The following MAPK8 variants were observed in gnomAD, a reference collection of about 807,000 sequenced individuals.
MAPK8 encodes mitogen-activated protein kinase 8.
MAPK8 carries 13 observed loss-of-function variants against 52.9 expected under a neutral mutation model. The observed-to-expected ratio is 0.25, with a 90% CI of 0.16 to 0.39. The LOEUF (loss-of-function observed/expected upper bound fraction) is 0.39, where lower values mean the gene tolerates loss of function less well. Ranked by LOEUF, MAPK8 falls within the 10% of genes least tolerant of loss-of-function variation. The probability of loss-of-function intolerance (pLI) is 1.00; values close to 1 mark genes in which losing one functional copy is unlikely to be tolerated. For missense variants in MAPK8, 300 were observed against 519.2 expected (o/e 0.58, Z 4.10); for synonymous variants, 191 against 169.8 (o/e 1.12, Z -0.97).
intron 5 of MAPK8, among the ~76,000 whole-genome samples, chr10:48,416,912 G>T (rs1324167778): frequency 6.6e-6 from 1 of 152,154 alleles, no homozygotes; most frequent in East Asian, 1.9e-4. Context: ...CTTGAGGGCT[G>T]CTCACCTTTC....
intron 1 of MAPK8, among the ~76,000 whole-genome samples, chr10:48,311,145 G>A (rs1841948825): frequency 1.3e-5 from 2 of 152,144 alleles, no homozygotes; most frequent in South Asian, 4.1e-4. Flanking sequence ...AAAGTGCCTG[G>A]CACTGTTGTG....
Position 48,401,603 on chromosome 10 carries a change from A to G in MAPK8, c.-49-9A>G, listed in dbSNP as rs934691124. The G allele has an allele frequency of 3.1e-6, 5 of 1,588,826 alleles. No individual in the cohort carries two copies. Among genetic ancestry groups the G allele is most frequent in the African/African-American group, 2.7e-5 (2 of 73,508 alleles). On this transcript the variant is annotated splice_polypyrimidine_tract_variant and intron_variant, in intron 1 of 11. Transcript: ENST00000374189. Reference sequence around the variant, plus strand: ...TTTTGTTAACATCATGTTTTGTTGCATCTTGCAGCTTCTTGGTGAATTTTT... The same window carrying G: ...TTTTGTTAACATCATGTTTTGTTGCGTCTTGCAGCTTCTTGGTGAATTTTT...
At position 48,426,492 on chromosome 10, in the gene MAPK8, T is replaced by A; in HGVS notation, c.984T>A (p.Ser328=). The change falls in exon 9 of 12, where the codon TCT becomes TCA. Residue 328 remains serine, a synonymous_variant. Transcript: ENST00000374189. ...HPYINVWYDP[S]EAEAPPPKIP... ...ACATCAATGTCTGGTATGATCCTTC[T>A]GAAGCAGAAGCTGTAAGTTATTTTC... 1 of 1,610,150 alleles carries A rather than the reference T, an allele frequency of 6.2e-7. No homozygotes were observed. The highest frequency in any genetic ancestry group is 8.5e-7 in the Non-Finnish European group (1 of 1,178,740).
chr10:48,401,909 C>G (rs146510962), intron 2 of MAPK8, 127 bp downstream of exon 2: 5 of 699,816 alleles, frequency 7.1e-6, no homozygotes, highest in Non-Finnish European at 1.1e-5. Flanking sequence ...AAAAATTAAA[C>G]GAAAACTATT....
chr10:48,349,043 A>G (rs778648224), intron 1 of MAPK8, among the ~76,000 whole-genome samples: 1 of 152,186 alleles, frequency 6.6e-6, no homozygotes, highest in Non-Finnish European at 1.5e-5. Flanking sequence ...GGCATTATAT[A>G]ATGGTAAAGG....
At chr10:48,360,734 A>G (rs1847443088) in intron 1 of MAPK8, among the ~76,000 whole-genome samples, 2 of 152,220 alleles carry the variant, frequency 1.3e-5, no homozygotes, top group African/African-American at 2.4e-5. Context: ...TTTCTTTTAT[A>G]TGAAGTTTGG....
At chr10:48,412,853 A>T (rs1271232206) in intron 5 of MAPK8, among the ~76,000 whole-genome samples, 1 of 152,220 alleles carries the variant, frequency 6.6e-6, no homozygotes. Flanking sequence ...CATTAAATAC[A>T]TTCATAATGT....
At chr10:48,377,853 AT>A (rs1162637511) in intron 1 of MAPK8, among the ~76,000 whole-genome samples, 1 of 152,208 alleles carries the variant, frequency 6.6e-6, no homozygotes, top group Non-Finnish European at 1.5e-5. Context: ...AGGAATTCTA[AT>A]TGGTTTACAG....
At chr10:48,329,097 A>G (rs1184284608) in intron 1 of MAPK8, among the ~76,000 whole-genome samples, 6 of 152,290 alleles carry the variant, frequency 3.9e-5, no homozygotes, top group East Asian at 1.9e-4. Flanking sequence ...TCTCTCCCTC[A>G]TAGATGGGGA....
At chr10:48,426,577 G>A in intron 9 of MAPK8, 73 bp downstream of exon 9, 1 of 1,400,930 alleles carries the variant, frequency 7.1e-7, no homozygotes, top group Non-Finnish European at 9.7e-7. Context: ...GTTTGGAGGA[G>A]ACCTTTTAAT....
intron 6 of MAPK8, 54 bp from the exon 7 acceptor site, chr10:48,424,034 G>T: frequency 7.0e-7 from 1 of 1,428,964 alleles, no homozygotes. Flanking sequence ...ATGCTTCTTT[G>T]ATTTTAATGA....
intron 7 of MAPK8, chr10:48,425,106 A>G: frequency 1.4e-6 from 1 of 705,618 alleles, no homozygotes; most frequent in Non-Finnish European, 2.6e-6. Flanking sequence ...TGTTCATCCC[A>G]CTACTTTTAA....
chr10:48,379,924 G>T (rs1034750259), intron 1 of MAPK8, among the ~76,000 whole-genome samples: 2 of 138,394 alleles, frequency 1.4e-5, no homozygotes, highest in Admixed American at 7.3e-5. Context: ...GGATTTGGAG[G>T]GAAACAAAGC....
chr10:48,355,250 C>G (rs941968208), intron 1 of MAPK8, among the ~76,000 whole-genome samples: 2 of 152,172 alleles, frequency 1.3e-5, no homozygotes, highest in Non-Finnish European at 2.9e-5. Context: ...TGGCTCACGC[C>G]TGTAATCCCA....
chr10:48,314,775 A>T (rs907113444), intron 1 of MAPK8, among the ~76,000 whole-genome samples: 2 of 151,816 alleles, frequency 1.3e-5, no homozygotes, highest in Non-Finnish European at 2.9e-5. Context: ...TTTGTTGCTC[A>T]TTTTCCTAGA....
chr10:48,409,725 C>T (rs1454848313), intron 3 of MAPK8, among the ~76,000 whole-genome samples, 154 bp from the exon 4 acceptor site: 4 of 152,074 alleles, frequency 2.6e-5, no homozygotes, highest in Admixed American at 6.5e-5. Context: ...CATAAAGTTG[C>T]AATATATAAA....
At chr10:48,377,868 T>G (rs1220612407) in intron 1 of MAPK8, among the ~76,000 whole-genome samples, 1 of 152,208 alleles carries the variant, frequency 6.6e-6, no homozygotes, top group Non-Finnish European at 1.5e-5. Context: ...TTTACAGAAA[T>G]AACATTGGTT....
chr10:48,323,876 A>G (rs952993300), intron 1 of MAPK8, among the ~76,000 whole-genome samples: 4 of 152,268 alleles, frequency 2.6e-5, no homozygotes, highest in Non-Finnish European at 5.9e-5. Context: ...CTTCCAGTAT[A>G]TGTGTCATAG....
chr10:48,368,327 G>A (rs887376563), intron 1 of MAPK8, among the ~76,000 whole-genome samples: 1 of 152,218 alleles, frequency 6.6e-6, no homozygotes, highest in Non-Finnish European at 1.5e-5. Flanking sequence ...TGTCTTGGGA[G>A]TGAGTATACT....
Sources: allele counts gnomAD v4.1 joint callset (sites outside exome capture counted in the v4.1 genomes callset), GRCh38; gene constraint gnomAD v4.1.1; transcripts MANE v1.5; gene names NCBI Gene and HGNC (gene_info 2026-07-23, HGNC 2026-07-21).